Variants in CNTLN observed in about 807,000 individuals in gnomAD.
CNTLN encodes the protein centlein.
CNTLN carries 212 observed loss-of-function variants against 180.0 expected under a neutral mutation model. That is an observed-to-expected ratio of 1.18 (90% CI 1.05 to 1.32). The LOEUF (loss-of-function observed/expected upper bound fraction) is 1.32, where lower values mean the gene tolerates loss of function less well. Ranked by LOEUF, CNTLN falls within the 40% of genes most tolerant of loss-of-function variation. The probability of loss-of-function intolerance (pLI) is 0.00; values close to 1 mark genes in which losing one functional copy is unlikely to be tolerated. For synonymous variants in CNTLN, 722 were observed against 563.1 expected, an observed-to-expected ratio of 1.28 and a Z score of -3.99; for missense variants, 2,095 against 1,610.9, an observed-to-expected ratio of 1.30 and a Z score of -5.14.
At chr9:17,265,214 C>A (rs1587402805) in intron 5 of CNTLN, among the ~76,000 whole-genome samples, 1 of 150,906 alleles carries the variant, frequency 6.6e-6, no homozygotes, top group East Asian at 1.9e-4. Flanking sequence ...AAATACGTCC[C>A]ATCAATACCT....
At chr9:17,493,532 A>G (rs1833283229) in intron 25 of CNTLN, among the ~76,000 whole-genome samples, 1 of 152,196 alleles carries the variant, frequency 6.6e-6, no homozygotes, top group South Asian at 2.1e-4. Flanking sequence ...AAGCATTAAA[A>G]TGACTCCTAT....
At chr9:17,266,953 C>T (rs573097365) in intron 5 of CNTLN, among the ~76,000 whole-genome samples, 6,434 of 152,094 alleles carry the variant, frequency 0.042, 446 homozygotes, top group African/African-American at 0.15. Context: ...AGATGGGTTT[C>T]CTGAATACAG....
At chr9:17,502,192 T>G (rs571636348) in intron 25 of CNTLN, among the ~76,000 whole-genome samples, 1 of 152,210 alleles carries the variant, frequency 6.6e-6, no homozygotes, top group East Asian at 1.9e-4. Context: ...ACAGTACTAC[T>G]TCTGTGGGCC....
intron 13 of CNTLN, among the ~76,000 whole-genome samples, chr9:17,383,164 C>T: frequency 6.6e-6 from 1 of 151,976 alleles, no homozygotes; most frequent in East Asian, 1.9e-4. Context: ...TATACACACA[C>T]AAATATATCT....
chr9:17,511,982 C>G, the CNTLN span, among the ~76,000 whole-genome samples: 4 of 152,122 alleles, frequency 2.6e-5, no homozygotes, highest in Non-Finnish European at 5.9e-5. Context: ...AAGAACCCTG[C>G]CTAGAGTGAG....
Position 17,457,855 on chromosome 9 carries a change from C to T in CNTLN, c.3306+140C>T, listed in dbSNP as rs985386381. On this transcript the variant is annotated intron_variant, in intron 19 of 25. Coordinates refer to ENST00000380647, the MANE Select transcript of CNTLN (RefSeq NM_017738.4). The stretch of plus-strand genomic sequence containing the variant: ...AAAAAATTATTAATATTGCCTTCAT[C>T]ATTAATTTTTAGCCTGGTAGATTCT... 46 of 502,610 alleles carry T rather than the reference C, an allele frequency of 9.2e-5. No homozygotes were observed. In the Admixed American group the frequency reaches 1.4e-3, roughly 16 times the overall value. 31.1% of individuals were successfully genotyped at this position (502,610 alleles called of 1,614,324 possible). A position where few individuals can be genotyped will look rare whatever the true frequency, so the allele number is the denominator to read the frequency against.
chr9:17,169,131 A>G (rs1201823130), intron 2 of CNTLN, among the ~76,000 whole-genome samples: 4 of 152,052 alleles, frequency 2.6e-5, no homozygotes, highest in African/African-American at 9.7e-5. Context: ...CCAAGTAGCT[A>G]GGACTACAGG....
Position 17,366,716 on chromosome 9 carries a change from A to G in CNTLN, c.1986A>G (p.Glu662=). 3 of 1,530,300 alleles carry G rather than the reference A, an allele frequency of 2.0e-6. No homozygotes were observed. Among genetic ancestry groups the G allele is most frequent in the Non-Finnish European group, 1.8e-6 (2 of 1,119,902 alleles). 94.8% of individuals were successfully genotyped at this position (1,530,300 alleles called of 1,614,324 possible). A position where few individuals can be genotyped will look rare whatever the true frequency, so the allele number is the denominator to read the frequency against. ...ATAGATGTGTGGCAGAGAGAAGAGA[A>G]GGTAAATTTTCAGAAAATAAATACT... is the stretch of plus-strand genomic sequence containing the variant. ...ELNRCVAERR[E]EQLFRSGEDD... Residue 662 remains glutamate, a splice_region_variant and synonymous_variant, in exon 13 of 26, where the codon GAA becomes GAG. Transcript: ENST00000380647.
At chr9:17,482,924 C>CA (rs1832722687) in intron 23 of CNTLN, among the ~76,000 whole-genome samples, 1 of 151,792 alleles carries the variant, frequency 6.6e-6, no homozygotes, top group Admixed American at 6.6e-5. Flanking sequence ...AAAAAAGTAG[C>CA]AAAAAAATTG....
chr9:17,396,484 T>C (rs573660255), intron 15 of CNTLN, among the ~76,000 whole-genome samples: 1 of 152,336 alleles, frequency 6.6e-6, no homozygotes, highest in African/African-American at 2.4e-5. Flanking sequence ...TCTGCCTTGT[T>C]TTATAATGAC....
chr9:17,451,835 A>G (rs576702758), intron 18 of CNTLN, among the ~76,000 whole-genome samples: 1 of 152,360 alleles, frequency 6.6e-6, no homozygotes, highest in African/African-American at 2.4e-5. Flanking sequence ...ATGGTTCATT[A>G]CTTTAAATTT....
intron 5 of CNTLN, among the ~76,000 whole-genome samples, chr9:17,253,390 C>T (rs1216198979): frequency 6.6e-6 from 1 of 151,460 alleles, no homozygotes; most frequent in Admixed American, 6.6e-5. Flanking sequence ...ATTAATCTGA[C>T]CCATGAGTGT....
chr9:17,343,242 C>G lies in CNTLN; in HGVS notation c.1886+798C>G, dbSNP rs138912728. On this transcript the variant is annotated intron_variant, in intron 12 of 25. Transcript: ENST00000380647. ...AATTTTAAGACTAAAAGGAGTTAGACCAATATAATTAACCTCTTCTGCTAC... is the reference window on the plus strand; with the variant it reads ...AATTTTAAGACTAAAAGGAGTTAGAGCAATATAATTAACCTCTTCTGCTAC... Among the ~76,000 whole-genome samples the G allele has an allele frequency of 5.5e-3, 836 of 152,248 alleles. 6 individuals are homozygous for G. Among genetic ancestry groups the G allele is most frequent in the African/African-American group, 0.019 (804 of 41,546 alleles).
chr9:17,157,319 T>C lies in CNTLN; in HGVS notation c.449+13943T>C, dbSNP rs180736283. Among the ~76,000 whole-genome samples the C allele has an allele frequency of 5.4e-3, 823 of 152,200 alleles. 6 individuals carry two copies. The highest frequency in any genetic ancestry group is 8.0e-3 in the Admixed American group (123 of 15,282). On this transcript the variant is annotated intron_variant, in intron 2 of 25. Transcript: ENST00000380647. ...GATTTATCTTTTTCCATTAGAGAGG[T>C]TTCAGGATTATCCTTTGCTAATACC...
At chr9:17,216,676 A>G (rs141399811) in intron 2 of CNTLN, among the ~76,000 whole-genome samples, 14 of 152,208 alleles carry the variant, frequency 9.2e-5, no homozygotes, top group African/African-American at 3.1e-4. Flanking sequence ...TAGGGAGACT[A>G]TTTCTGTAAG....
chr9:17,274,336 T>A (rs1329168702), intron 6 of CNTLN, among the ~76,000 whole-genome samples: 1 of 149,252 alleles, frequency 6.7e-6, no homozygotes, highest in Non-Finnish European at 1.5e-5. Context: ...ACGATACTCT[T>A]GTATTTCTGT....
At chr9:17,295,182 C>G (rs1224858110) in intron 6 of CNTLN, among the ~76,000 whole-genome samples, 2 of 152,022 alleles carry the variant, frequency 1.3e-5, no homozygotes, top group African/African-American at 4.8e-5. Context: ...AGGCGCTGCA[C>G]GCAGCCCCAG....
intron 23 of CNTLN, among the ~76,000 whole-genome samples, chr9:17,472,350 A>G (rs1832081219): frequency 1.3e-5 from 2 of 152,014 alleles, no homozygotes; most frequent in African/African-American, 4.8e-5. Flanking sequence ...AGAGTCACGC[A>G]CCCCAATTAT....
At chr9:17,171,037 T>G (rs1440893197) in intron 2 of CNTLN, among the ~76,000 whole-genome samples, 1 of 152,238 alleles carries the variant, frequency 6.6e-6, no homozygotes, top group Non-Finnish European at 1.5e-5. Flanking sequence ...GAGTACACTC[T>G]GTGACGTTTG....
Sources: gnomAD v4.1 joint callset for allele counts (sites outside exome capture counted in the v4.1 genomes callset) on GRCh38, gnomAD v4.1.1 for gene constraint, MANE v1.5 for transcripts, NCBI Gene and HGNC (gene_info 2026-07-23, HGNC 2026-07-21) for gene names.